TLE4: variants seen among roughly 807,000 people sequenced by gnomAD.
The protein encoded by TLE4 is transducin-like enhancer protein 4.
Under a neutral mutation model 92.8 loss-of-function variants are expected in TLE4, and 8 were observed. That is an observed-to-expected ratio of 0.09 (90% CI 0.05 to 0.16). The LOEUF is 0.16. TLE4 is among the 10% of genes least tolerant of loss of function. The pLI, the probability that TLE4 is intolerant of heterozygous loss-of-function variation, is 1.00. For missense variants in TLE4, 675 were observed against 997.6 expected (o/e 0.68, Z 4.36); for synonymous variants, 371 against 374.1 (o/e 0.99, Z 0.10).
intron 6 of TLE4, among the ~76,000 whole-genome samples, chr9:79,634,661 T>G (rs2055223856): frequency 6.6e-6 from 1 of 152,184 alleles, no homozygotes; most frequent in South Asian, 2.1e-4. Context: ...CATTTTTTTC[T>G]ATCCCAGCCC....
chr9:79,581,459 A>G (rs62566847), intron 4 of TLE4, among the ~76,000 whole-genome samples: 2,024 of 152,284 alleles, frequency 0.013, 27 homozygotes, highest in Non-Finnish European at 0.021. Context: ...TAGAGATACC[A>G]TAGGAGGATA....
chr9:79,630,293 G>A (rs1000231999), intron 6 of TLE4, among the ~76,000 whole-genome samples: 1 of 152,138 alleles, frequency 6.6e-6, no homozygotes, highest in African/African-American at 2.4e-5. Context: ...AATCTGGAGA[G>A]GCGGCTGTTC....
chr9:79,595,956 C>T (rs2043862629), intron 4 of TLE4, among the ~76,000 whole-genome samples: 1 of 151,606 alleles, frequency 6.6e-6, no homozygotes. Context: ...ACACCATTCT[C>T]CTGCTTCAGC....
chr9:79,609,770 G>A (rs535083600), intron 4 of TLE4, among the ~76,000 whole-genome samples: 1 of 152,116 alleles, frequency 6.6e-6, no homozygotes, highest in African/African-American at 2.4e-5. Context: ...CAATATTTCA[G>A]AATCCCTGCC....
intron 8 of TLE4, 81 bp from the exon 9 acceptor site, chr9:79,704,699 AAAG>A (rs1565059805): frequency 2.6e-6 from 4 of 1,534,100 alleles, no homozygotes; most frequent in African/African-American, 1.4e-5. Context: ...AATAAAAAGA[AAAG>A]AAAGTCTCAA....
intron 5 of TLE4, among the ~76,000 whole-genome samples, chr9:79,617,814 G>A (rs2050004245): frequency 1.3e-5 from 2 of 148,666 alleles, no homozygotes. Context: ...AGAGATCAAA[G>A]GAACAGTGGT....
At chr9:79,581,000 T>C (rs913529560) in intron 4 of TLE4, among the ~76,000 whole-genome samples, 3 of 152,154 alleles carry the variant, frequency 2.0e-5, no homozygotes, top group Non-Finnish European at 4.4e-5. Flanking sequence ...GGAAGGGTTC[T>C]TGTGTTTTTG....
At position 79,726,518 on chromosome 9, in the gene TLE4, A is replaced by G. The variant is rs2076387224; in HGVS notation, c.*1374A>G. On this transcript the variant is annotated 3_prime_UTR_variant, in exon 20 of 20. Coordinates refer to ENST00000376552, the MANE Select transcript of TLE4 (RefSeq NM_007005.6). Reference sequence around the variant, plus strand: ...TGCTGCAAGTTGAAATGGACTGTCCATTGACGTTCCTAATGTGGTAGCAGA... The same window carrying G: ...TGCTGCAAGTTGAAATGGACTGTCCGTTGACGTTCCTAATGTGGTAGCAGA... The G allele has an allele frequency of 7.3e-6, 1 of 136,540 alleles. No homozygotes were observed. Among genetic ancestry groups the G allele is most frequent in the African/African-American group, 2.8e-5 (1 of 36,292 alleles). The allele number at this position is 136,540 out of a possible 1,614,324, so 8.5% of individuals were successfully genotyped here.
rs1364552654 is a variant in TLE4 at position 79,673,039 on chromosome 9, A to G, written c.609+18964A>G. ...TTAGAACATTGCAAGATGTGTGAAA[A>G]CATGCTTTAAATGCCAGCAACCAGT... On this transcript the variant is annotated intron_variant, in intron 8 of 19. Coordinates refer to ENST00000376552, the MANE Select transcript of TLE4 (RefSeq NM_007005.6). 3.3e-5 allele frequency among the ~76,000 whole-genome samples: 5 copies of G among 152,166 alleles called. No homozygotes were observed. The East Asian group carries it at 7.7e-4, about 23-fold the overall frequency.
At chr9:79,585,339 A>G (rs916834071) in intron 4 of TLE4, among the ~76,000 whole-genome samples, 3 of 152,214 alleles carry the variant, frequency 2.0e-5, no homozygotes, top group Non-Finnish European at 4.4e-5. Context: ...CCGGTAAAAT[A>G]GATCTTGGGT....
intron 8 of TLE4, among the ~76,000 whole-genome samples, chr9:79,689,267 A>G (rs2066535741): frequency 6.6e-6 from 1 of 151,920 alleles, no homozygotes; most frequent in African/African-American, 2.4e-5. Context: ...CAGTAGTAGA[A>G]CAAGAACTCC....
intron 8 of TLE4, chr9:79,663,747 A>G (rs1373437168): frequency 6.6e-6 from 1 of 152,064 alleles, no homozygotes. Flanking sequence ...ATGGACCCCT[A>G]AGAGATGCAA....
chr9:79,692,779 T>C (rs1390154232), intron 8 of TLE4, among the ~76,000 whole-genome samples: 2 of 152,160 alleles, frequency 1.3e-5, no homozygotes, highest in African/African-American at 4.8e-5. Flanking sequence ...GGTGCTAATC[T>C]TATTTCTGAG....
At chr9:79,666,004 T>A (rs2061330105) in intron 8 of TLE4, among the ~76,000 whole-genome samples, 1 of 152,086 alleles carries the variant, frequency 6.6e-6, no homozygotes, top group South Asian at 2.1e-4. Context: ...TGTTATTTGG[T>A]TTTTGAAAGC....
chr9:79,631,616 A>ATG (rs57129541), intron 6 of TLE4, among the ~76,000 whole-genome samples: 15,601 of 118,024 alleles, frequency 0.13, 1,093 homozygotes, highest in East Asian at 0.21. Context: ...TGAACCTTAA[A>ATG]TGTGTGTGTG....
intron 8 of TLE4, among the ~76,000 whole-genome samples, chr9:79,703,442 AGTT>A (rs1489729010): frequency 2.6e-5 from 4 of 152,172 alleles, no homozygotes; most frequent in African/African-American, 9.7e-5. Flanking sequence ...GTCACTAGGC[AGTT>A]GTTAAGATTG....
chr9:79,663,671 T>C (rs1398311332), intron 8 of TLE4: 4 of 152,122 alleles, frequency 2.6e-5, no homozygotes, highest in Admixed American at 2.6e-4. Flanking sequence ...GATCTTTAAA[T>C]GGTTGTAGAT....
At chr9:79,600,726 G>A (rs1400657223) in intron 4 of TLE4, among the ~76,000 whole-genome samples, 1 of 152,136 alleles carries the variant, frequency 6.6e-6, no homozygotes, top group East Asian at 1.9e-4. Flanking sequence ...TCCTCATGCT[G>A]CAGCTGTGCC....
At chr9:79,619,995 G>A (rs2133297912) in intron 5 of TLE4, among the ~76,000 whole-genome samples, 1 of 152,288 alleles carries the variant, frequency 6.6e-6, no homozygotes, top group South Asian at 2.1e-4. Flanking sequence ...TTCATCTGGT[G>A]GCATCATGGC....
Sources: gnomAD v4.1 joint callset for allele counts (sites outside exome capture counted in the v4.1 genomes callset) on GRCh38, gnomAD v4.1.1 for gene constraint, MANE v1.5 for transcripts, NCBI Gene and HGNC (gene_info 2026-07-23, HGNC 2026-07-21) for gene names.